The following CPA6 variants were observed in gnomAD, a reference collection of about 807,000 sequenced individuals.
The protein encoded by CPA6 is carboxypeptidase A6, also known as carboxypeptidase B.
In CPA6, 58 loss-of-function variants were observed where a neutral mutation model predicts 63.3. The observed-to-expected ratio is 0.92, with a 90% CI of 0.74 to 1.14. The LOEUF (loss-of-function observed/expected upper bound fraction) is 1.14, where lower values mean the gene tolerates loss of function less well. Ranked by LOEUF, CPA6 falls within the 50% of genes most tolerant of loss-of-function variation. The pLI is 0.00. For missense variants in CPA6, 565 were observed against 526.6 expected (o/e 1.07, Z -0.71); for synonymous variants, 185 against 179.0 (o/e 1.03, Z -0.27).
intron 1 of CPA6, among the ~76,000 whole-genome samples, chr8:67,728,117 AAAC>A (rs1453906982): frequency 2.3e-5 from 3 of 129,342 alleles, no homozygotes; most frequent in African/African-American, 2.9e-5. Flanking sequence ...AAAACCAACA[AAAC>A]AACAACAAAA....
intron 8 of CPA6, among the ~76,000 whole-genome samples, chr8:67,453,938 G>GGAC (rs1198623344): frequency 2.3e-4 from 35 of 152,320 alleles, no homozygotes; most frequent in African/African-American, 8.4e-4. Flanking sequence ...AGTCGATGCT[G>GGAC]TTTGCCTGAG....
intron 2 of CPA6, among the ~76,000 whole-genome samples, chr8:67,593,600 T>G (rs188314765): frequency 1.3e-5 from 2 of 152,364 alleles, no homozygotes; most frequent in African/African-American, 4.8e-5. Flanking sequence ...TTAGGATATT[T>G]AGCTCTTCTT....
intron 8 of CPA6, among the ~76,000 whole-genome samples, chr8:67,461,550 C>A (rs1013212173): frequency 1.4e-4 from 21 of 152,378 alleles, no homozygotes; most frequent in East Asian, 3.9e-4. Flanking sequence ...CATTGTCATC[C>A]CGGCCCGTTC....
chr8:67,688,666 C>G (rs1279998806), intron 1 of CPA6, among the ~76,000 whole-genome samples: 1 of 152,124 alleles, frequency 6.6e-6, no homozygotes, highest in Non-Finnish European at 1.5e-5. Flanking sequence ...TTTTCTGCCC[C>G]ATTTTTCATG....
intron 4 of CPA6, among the ~76,000 whole-genome samples, chr8:67,510,285 A>G (rs1036665804): frequency 6.6e-6 from 1 of 152,186 alleles, no homozygotes; most frequent in Non-Finnish European, 1.5e-5. Context: ...AAACAACACA[A>G]AAGTGTCCTA....
chr8:67,446,906 T>C (rs1463320162), intron 8 of CPA6, among the ~76,000 whole-genome samples: 1 of 152,124 alleles, frequency 6.6e-6, no homozygotes, highest in East Asian at 1.9e-4. Context: ...AGTGTGTGTG[T>C]AAACAAATAC....
At chr8:67,723,199 T>C (rs1587729491) in intron 1 of CPA6, among the ~76,000 whole-genome samples, 1 of 152,340 alleles carries the variant, frequency 6.6e-6, no homozygotes, top group Middle Eastern at 3.4e-3. Flanking sequence ...TTTCAGCTTT[T>C]AGAAAAATCA....
chr8:67,723,257 C>G (rs1817536021), intron 1 of CPA6, among the ~76,000 whole-genome samples: 1 of 152,094 alleles, frequency 6.6e-6, no homozygotes, highest in Non-Finnish European at 1.5e-5. Context: ...TATTTTATTT[C>G]AGACAGGTAT....
chr8:67,610,008 C>A (rs183419774), intron 2 of CPA6, among the ~76,000 whole-genome samples: 2,700 of 150,436 alleles, frequency 0.018, 31 homozygotes, highest in African/African-American at 0.037. Context: ...GGTGACAGAG[C>A]GAGACTCCGT....
At chr8:67,605,531 C>CTTT (rs68153641) in intron 2 of CPA6, among the ~76,000 whole-genome samples, 7 of 125,268 alleles carry the variant, frequency 5.6e-5, no homozygotes, top group South Asian at 2.5e-4. Context: ...TATTGTATTG[C>CTTT]TTTTTTTTTT....
chr8:67,422,416 TG>T lies in CPA6; in HGVS notation c.*87del. The T allele has an allele frequency of 8.8e-7, 1 of 1,141,336 alleles. No homozygotes were observed. Among genetic ancestry groups the T allele is most frequent in the Non-Finnish European group, 1.3e-6 (1 of 787,264 alleles). The allele number at this position is 1,141,336 out of a possible 1,614,324, so 70.7% of individuals were successfully genotyped here. A position where few individuals can be genotyped will look rare whatever the true frequency, so the allele number is the denominator to read the frequency against. Reference sequence around the variant, plus strand: ...CATAGACATGTTCACTCTAAGCAGCTGCCCTTCTCTTTGAAAACAATTTCTA... The same window carrying T: ...CATAGACATGTTCACTCTAAGCAGCTCCCTTCTCTTTGAAAACAATTTCTA... On this transcript the variant is annotated 3_prime_UTR_variant, in exon 11 of 11. Transcript: ENST00000297770.
At chr8:67,566,337 G>A (rs1433335321) in intron 2 of CPA6, among the ~76,000 whole-genome samples, 9 of 152,110 alleles carry the variant, frequency 5.9e-5, no homozygotes, top group Admixed American at 5.9e-4. Flanking sequence ...AGTGTACAGT[G>A]TCCCACCAGC....
intron 1 of CPA6, among the ~76,000 whole-genome samples, chr8:67,711,125 C>T (rs139676307): frequency 4.9e-4 from 75 of 152,294 alleles, no homozygotes; most frequent in African/African-American, 1.5e-3. Flanking sequence ...ATTCTTTCTG[C>T]TCAGAGTTTA....
chr8:67,687,519 T>G (rs1436139246), intron 1 of CPA6, among the ~76,000 whole-genome samples: 1 of 152,092 alleles, frequency 6.6e-6, no homozygotes, highest in African/African-American at 2.4e-5. Flanking sequence ...TGGGACCTTT[T>G]GCAAATCATT....
At chr8:67,469,617 G>A (rs67477500) in intron 8 of CPA6, among the ~76,000 whole-genome samples, 57,899 of 151,862 alleles carry the variant, frequency 0.38, 11,358 homozygotes, top group African/African-American at 0.48. Context: ...AAAAAGAAAA[G>A]AAAGAAATGA....
chr8:67,681,472 G>A (rs1206077231), intron 1 of CPA6, among the ~76,000 whole-genome samples: 1 of 151,648 alleles, frequency 6.6e-6, no homozygotes, highest in African/African-American at 2.4e-5. Context: ...GCCTCCCAAA[G>A]TGCTGGGATT....
At chr8:67,545,857 C>G (rs572199502) in intron 2 of CPA6, among the ~76,000 whole-genome samples, 7 of 152,148 alleles carry the variant, frequency 4.6e-5, no homozygotes, top group Non-Finnish European at 1.0e-4. Flanking sequence ...ACTACCTCGC[C>G]TGGCCTACTG....
intron 2 of CPA6, among the ~76,000 whole-genome samples, chr8:67,589,935 A>T (rs957406142): frequency 6.6e-6 from 1 of 151,838 alleles, no homozygotes; most frequent in East Asian, 1.9e-4. Context: ...CATGTGCACA[A>T]TGTGCAGGTT....
At chr8:67,446,618 A>C in intron 8 of CPA6, among the ~76,000 whole-genome samples, 1 of 152,246 alleles carries the variant, frequency 6.6e-6, no homozygotes, top group East Asian at 1.9e-4. Flanking sequence ...GTCCCTGTGG[A>C]AATTGACTTG....
Sources: gnomAD v4.1 joint callset for allele counts (sites outside exome capture counted in the v4.1 genomes callset) on GRCh38, gnomAD v4.1.1 for gene constraint, MANE v1.5 for transcripts, NCBI Gene and HGNC (gene_info 2026-07-23, HGNC 2026-07-21) for gene names.